Variants in PLXNC1 observed in about 807,000 individuals in gnomAD.
The protein encoded by PLXNC1 is plexin C1.
In PLXNC1, 75 loss-of-function variants were observed where a neutral mutation model predicts 178.2. That is an observed-to-expected ratio of 0.42 (90% CI 0.35 to 0.51). The LOEUF is 0.51. Among genes scored for constraint, PLXNC1 ranks in the 20% least tolerant of loss-of-function variants. The pLI is 0.02. For missense variants in PLXNC1, 1,503 were observed against 1,984.4 expected (o/e 0.76, Z 4.61); for synonymous variants, 790 against 779.9 (o/e 1.01, Z -0.22).
chr12:94,258,936 A>G (rs1294190185), intron 17 of PLXNC1, among the ~76,000 whole-genome samples: 5 of 152,240 alleles, frequency 3.3e-5, no homozygotes, highest in African/African-American at 4.8e-5. Context: ...CTACTTAGGT[A>G]AGACTTGTAA....
intron 21 of PLXNC1, among the ~76,000 whole-genome samples, chr12:94,265,731 G>T (rs1965197311): frequency 6.6e-6 from 1 of 152,200 alleles, no homozygotes; most frequent in Non-Finnish European, 1.5e-5. Context: ...TGCACTTAAT[G>T]TACTGTGATC....
At chr12:94,254,284 G>C (rs1178280560) in intron 15 of PLXNC1, among the ~76,000 whole-genome samples, 2 of 152,342 alleles carry the variant, frequency 1.3e-5, no homozygotes, top group East Asian at 3.9e-4. Context: ...AGTTCCTTGT[G>C]GCTCGCTCAT....
chr12:94,182,987 G>T (rs939802065), intron 3 of PLXNC1, among the ~76,000 whole-genome samples: 1 of 152,072 alleles, frequency 6.6e-6, no homozygotes, highest in East Asian at 1.9e-4. Context: ...TCTGATAAAT[G>T]ATATTAAATC....
chr12:94,305,264 G>A lies in PLXNC1; in HGVS notation c.4686G>A (p.Lys1562=). The A allele has an allele frequency of 1.2e-6, 2 of 1,609,276 alleles. No individual in the cohort carries two copies. The highest frequency in any genetic ancestry group is 8.5e-7 in the Non-Finnish European group (1 of 1,176,558). The change falls in exon 31 of 31, where the codon AAG becomes AAA. Residue 1562 remains lysine (K), a synonymous_variant. Coordinates refer to ENST00000258526, the MANE Select transcript of PLXNC1 (RefSeq NM_005761.3). ...LLHVKVLFDE[K]KKCKWM ...ATGTAAAAGTCTTATTTGATGAAAA[G>A]AAGAAATGCAAGTGGATGTAAGCAC...
Position 94,306,346 on chromosome 12 carries a change from T to C in PLXNC1, c.*1061T>C, listed in dbSNP as rs1969014339. ...AATATTAGTATACAACTTGGTATCT[T>C]AGTCTTACTATGTACTTTTTGAAAG... On this transcript the variant is annotated 3_prime_UTR_variant, in exon 31 of 31. Transcript: ENST00000258526. The C allele has an allele frequency of 6.6e-6, 1 of 152,214 alleles. No individual in the cohort carries two copies. Among genetic ancestry groups the C allele is most frequent in the Non-Finnish European group, 1.5e-5 (1 of 68,020 alleles). 9.4% of individuals were successfully genotyped at this position (152,214 alleles called of 1,614,324 possible).
chr12:94,153,625 C>T (rs537028446), intron 1 of PLXNC1, among the ~76,000 whole-genome samples: 2 of 152,166 alleles, frequency 1.3e-5, no homozygotes, highest in African/African-American at 2.4e-5. Context: ...TGGGGTCACT[C>T]GTGGTTTAAA....
Position 94,182,211 on chromosome 12 carries a change from G to T in PLXNC1, c.1338+631G>T, listed in dbSNP as rs2135960823. Among the ~76,000 whole-genome samples, 3 of 152,208 alleles carry T rather than the reference G, an allele frequency of 2.0e-5. No individual in the cohort carries two copies. In the Middle Eastern group the frequency reaches 0.01, roughly 518 times the overall value. On this transcript the variant is annotated intron_variant, in intron 3 of 30. Transcript: ENST00000258526. ...TGCATGATCTCTGTCTAGGTGCATA[G>T]AATTGTGTACATATACATACACACA...
At chr12:94,266,245 G>A (rs528320061) in intron 21 of PLXNC1, among the ~76,000 whole-genome samples, 19 of 152,290 alleles carry the variant, frequency 1.2e-4, no homozygotes, top group South Asian at 2.1e-4. Flanking sequence ...AGAATAGTCC[G>A]TAGGTCAGCT....
Position 94,149,311 on chromosome 12 carries a change from G to A in PLXNC1, c.340G>A (p.Glu114Lys). 1.4e-6 allele frequency: 2 copies of A among 1,461,668 alleles called. No individual in the cohort carries two copies. Among genetic ancestry groups the A allele is most frequent in the Non-Finnish European group, 1.8e-6 (2 of 1,116,668 alleles). 90.5% of individuals were successfully genotyped at this position (1,461,668 alleles called of 1,614,324 possible). A position where few individuals can be genotyped will look rare whatever the true frequency, so the allele number is the denominator to read the frequency against. Residue 114 changes from glutamate (E) to lysine (K), a missense_variant, in exon 1 of 31, where the codon GAG becomes AAG. Glu to Lys is a moderately conservative substitution (Grantham distance 56). Coordinates refer to ENST00000258526, the MANE Select transcript of PLXNC1 (RefSeq NM_005761.3). ...SFSKLLLPYR[E>K]GAAGLGGLLL... ...CAGCAAGCTGCTGCTGCCCTACCGCGAGGGGGCGGCCGGCCTCGGGGGGCT... is the reference window on the plus strand; with the variant it reads ...CAGCAAGCTGCTGCTGCCCTACCGCAAGGGGGCGGCCGGCCTCGGGGGGCT...
At position 94,264,383 on chromosome 12, in the gene PLXNC1, G is replaced by T. The variant is rs117136671; in HGVS notation, c.3451-696G>T. ...GCCAATCGGGATGGGCCGAGTGTTTGGAGAAAAACCTTAGAGGAAATGGAA... is the reference window on the plus strand; with the variant it reads ...GCCAATCGGGATGGGCCGAGTGTTTTGAGAAAAACCTTAGAGGAAATGGAA... On this transcript the variant is annotated intron_variant, in intron 20 of 30. Coordinates refer to ENST00000258526, the MANE Select transcript of PLXNC1 (RefSeq NM_005761.3). 9.5e-3 allele frequency among the ~76,000 whole-genome samples: 1,448 copies of T among 152,260 alleles called. 43 individuals carry two copies. The South Asian group carries it at 0.11, about 11-fold the overall frequency.
At chr12:94,265,363 TA>T in intron 21 of PLXNC1, 138 bp downstream of exon 21, 1 of 698,568 alleles carries the variant, frequency 1.4e-6, no homozygotes, top group Non-Finnish European at 2.4e-6. Context: ...TTAAAAACAG[TA>T]GTTGATAAAA....
chr12:94,163,051 T>G (rs780106405), intron 1 of PLXNC1, among the ~76,000 whole-genome samples: 5 of 152,094 alleles, frequency 3.3e-5, no homozygotes, highest in Non-Finnish European at 7.4e-5. Context: ...CAAGCACTGG[T>G]GGACTGAGTC....
chr12:94,216,721 T>C (rs1434224968), intron 5 of PLXNC1, among the ~76,000 whole-genome samples: 1 of 152,208 alleles, frequency 6.6e-6, no homozygotes, highest in African/African-American at 2.4e-5. Flanking sequence ...CTGGAAATAA[T>C]GAAACTGTTT....
chr12:94,291,816 T>A (rs1315363868), intron 23 of PLXNC1, among the ~76,000 whole-genome samples: 1 of 152,188 alleles, frequency 6.6e-6, no homozygotes, highest in East Asian at 1.9e-4. Context: ...TACAAGGGTA[T>A]ACTGCATGAT....
At chr12:94,188,567 G>A (rs573120120) in intron 4 of PLXNC1, among the ~76,000 whole-genome samples, 16 of 152,134 alleles carry the variant, frequency 1.1e-4, no homozygotes, top group African/African-American at 2.9e-4. Flanking sequence ...CAGGTGATCC[G>A]CCTGCCTCAG....
chr12:94,220,927 A>G (rs933668853), intron 6 of PLXNC1, among the ~76,000 whole-genome samples: 2 of 152,220 alleles, frequency 1.3e-5, no homozygotes, highest in Non-Finnish European at 2.9e-5. Flanking sequence ...GAGCTTCTAC[A>G]TGGCCAAGGC....
chr12:94,223,630 T>C (rs1963855189), intron 6 of PLXNC1, among the ~76,000 whole-genome samples: 1 of 152,256 alleles, frequency 6.6e-6, no homozygotes, highest in Non-Finnish European at 1.5e-5. Flanking sequence ...GCTGATTTAG[T>C]AGTTTTGAAA....
intron 4 of PLXNC1, among the ~76,000 whole-genome samples, chr12:94,191,034 C>T (rs1962701441): frequency 6.6e-6 from 1 of 152,246 alleles, no homozygotes; most frequent in Admixed American, 6.5e-5. Flanking sequence ...ACTTCTCTAC[C>T]TCTCTTTATT....
chr12:94,279,622 G>A lies in PLXNC1; in HGVS notation c.3748G>A (p.Gly1250Arg). ...CTTAAGCAAAAATGGCTCTCCTTATGGACTTCAGCTTAATGAAATTGGTCT... is the reference window on the plus strand; with the variant it reads ...CTTAAGCAAAAATGGCTCTCCTTATAGACTTCAGCTTAATGAAATTGGTCT... ...AFLSKNGSPY[G>R]LQLNEIGLEL... is the part of the protein sequence containing the mutation. Residue 1250 changes from glycine to arginine, a missense_variant, in exon 22 of 31, where the codon GGA (glycine) becomes AGA (arginine). Physicochemically the swap from Gly to Arg is moderately radical, Grantham distance 125 (BLOSUM62 -2). Transcript: ENST00000258526. The A allele has an allele frequency of 1.2e-6, 2 of 1,614,196 alleles. No individual in the cohort carries two copies. Among genetic ancestry groups the A allele is most frequent in the Non-Finnish European group, 1.7e-6 (2 of 1,180,034 alleles).
Sources: allele counts gnomAD v4.1 joint callset (sites outside exome capture counted in the v4.1 genomes callset), GRCh38; gene constraint gnomAD v4.1.1; transcripts MANE v1.5; gene names NCBI Gene and HGNC (gene_info 2026-07-23, HGNC 2026-07-21).